Variants in ATP8A2 observed in about 807,000 individuals in gnomAD.
The protein encoded by ATP8A2 is phospholipid-transporting ATPase IB.
A neutral mutation model predicts 165.6 loss-of-function variants in ATP8A2; 100 were observed. The ratio of observed to expected loss-of-function variants is 0.60; its 90% CI spans 0.51 to 0.71. The LOEUF is 0.71. Ranked by LOEUF, ATP8A2 falls within the 30% of genes least tolerant of loss-of-function variation. The pLI, the probability that ATP8A2 is intolerant of heterozygous loss-of-function variation, is 0.00. For synonymous variants in ATP8A2, 543 were observed against 548.8 expected (o/e 0.99, Z 0.15); for missense variants, 1,227 against 1,479.5 (o/e 0.83, Z 2.80).
rs189887101 is a variant in ATP8A2, at chr13:25,474,309, C to G, written c.221+5188C>G. Among the ~76,000 whole-genome samples, 502 of 152,250 alleles carry G rather than the reference C, an allele frequency of 3.3e-3. 7 individuals are homozygous for G. Among genetic ancestry groups the G allele is most frequent in the African/African-American group, 0.012 (483 of 41,558 alleles). On this transcript the variant is annotated intron_variant, in intron 2 of 36. Transcript: ENST00000381655. ...AGGCGCAGTGGCTCGCGCCTATAAT[C>G]CCAGCACTTTGGGAGGCCGAGGTAG...
At chr13:25,980,270 T>C (rs1466046163) in intron 35 of ATP8A2, among the ~76,000 whole-genome samples, 2 of 151,958 alleles carry the variant, frequency 1.3e-5, no homozygotes, top group East Asian at 1.9e-4. Context: ...CACTGAAAGG[T>C]AGGGAGGATC....
chr13:25,554,714 C>T (rs986075005), intron 12 of ATP8A2, among the ~76,000 whole-genome samples: 2 of 151,946 alleles, frequency 1.3e-5, no homozygotes, highest in Non-Finnish European at 2.9e-5. Context: ...CATGCACCAC[C>T]ATGCCTGGCT....
intron 1 of ATP8A2, among the ~76,000 whole-genome samples, chr13:25,418,995 G>A (rs1050333064): frequency 6.6e-6 from 1 of 152,158 alleles, no homozygotes; most frequent in Non-Finnish European, 1.5e-5. Flanking sequence ...GGGAAAAAAG[G>A]AAGAGAAGGG....
At chr13:25,762,631 G>A (rs2044406268) in intron 25 of ATP8A2, among the ~76,000 whole-genome samples, 1 of 152,136 alleles carries the variant, frequency 6.6e-6, no homozygotes, top group African/African-American at 2.4e-5. Context: ...TATGGGTGGA[G>A]ATGTAGCTAG....
intron 33 of ATP8A2, among the ~76,000 whole-genome samples, chr13:25,869,978 C>T (rs1010990362): frequency 2.6e-5 from 4 of 152,214 alleles, no homozygotes; most frequent in Admixed American, 1.3e-4. Context: ...CTTGGTTTAC[C>T]GGAAGAATCA....
chr13:25,624,204 G>A (rs2041046793), intron 24 of ATP8A2, among the ~76,000 whole-genome samples: 1 of 152,142 alleles, frequency 6.6e-6, no homozygotes, highest in Admixed American at 6.6e-5. Flanking sequence ...TCAGGACAAG[G>A]ACTGTGGGCA....
intron 6 of ATP8A2, among the ~76,000 whole-genome samples, chr13:25,535,198 G>A (rs1386666559): frequency 6.6e-6 from 1 of 152,148 alleles, no homozygotes; most frequent in Admixed American, 6.5e-5. Flanking sequence ...ATACAGGAGA[G>A]GGCAGAGGTG....
intron 33 of ATP8A2, among the ~76,000 whole-genome samples, chr13:25,879,759 G>A (rs1205853671): frequency 6.6e-6 from 1 of 152,158 alleles, no homozygotes; most frequent in Non-Finnish European, 1.5e-5. Flanking sequence ...CAGTCCTGGC[G>A]ATACCCACAT....
intron 2 of ATP8A2, among the ~76,000 whole-genome samples, chr13:25,517,838 G>GT (rs2037530325): frequency 1.3e-5 from 2 of 152,238 alleles, no homozygotes; most frequent in Admixed American, 1.3e-4. Flanking sequence ...GATTTCAGTA[G>GT]TTTAGCATTA....
chr13:25,585,707 C>G (rs1023000910), intron 23 of ATP8A2, among the ~76,000 whole-genome samples: 3 of 152,148 alleles, frequency 2.0e-5, no homozygotes, highest in Non-Finnish European at 4.4e-5. Context: ...ACTTGCCCCT[C>G]CTGTAATTGC....
At chr13:25,547,737 G>A (rs1055044582) in intron 10 of ATP8A2, among the ~76,000 whole-genome samples, 3 of 152,176 alleles carry the variant, frequency 2.0e-5, no homozygotes, top group Non-Finnish European at 4.4e-5. Context: ...GTTGGGGACA[G>A]CTTTTCTAAC....
At chr13:26,015,360 C>G (rs560497247) in intron 36 of ATP8A2, among the ~76,000 whole-genome samples, 1 of 152,218 alleles carries the variant, frequency 6.6e-6, no homozygotes, top group South Asian at 2.1e-4. Flanking sequence ...GTCCAGGAAA[C>G]TAGCAGGAAA....
intron 35 of ATP8A2, among the ~76,000 whole-genome samples, chr13:25,974,332 G>A (rs1955976637): frequency 6.6e-6 from 1 of 152,224 alleles, no homozygotes. Context: ...GTAAGCCTGG[G>A]GAAGATGTGA....
intron 22 of ATP8A2, among the ~76,000 whole-genome samples, chr13:25,580,191 A>C (rs1247307254): frequency 6.6e-6 from 1 of 152,242 alleles, no homozygotes; most frequent in African/African-American, 2.4e-5. Flanking sequence ...GGTCAAAAAC[A>C]GCATCAGCGA....
chr13:25,909,444 A>G (rs753299911), intron 33 of ATP8A2, among the ~76,000 whole-genome samples: 3 of 152,190 alleles, frequency 2.0e-5, no homozygotes, highest in Non-Finnish European at 4.4e-5. Flanking sequence ...AAGCTGATAT[A>G]TTTTAGCTGA....
intron 2 of ATP8A2, among the ~76,000 whole-genome samples, chr13:25,501,607 G>A (rs2137701340): frequency 6.6e-6 from 1 of 152,330 alleles, no homozygotes; most frequent in East Asian, 1.9e-4. Flanking sequence ...AGCCCCAGGG[G>A]CCAGAGCGTT....
intron 29 of ATP8A2, 152 bp from the exon 30 acceptor site, chr13:25,839,394 G>GTTTT: frequency 2.0e-6 from 1 of 502,440 alleles, no homozygotes; most frequent in Non-Finnish European, 3.6e-6. Context: ...ATTTGGGTGG[G>GTTTT]TTTTTTTTTT....
intron 1 of ATP8A2, among the ~76,000 whole-genome samples, chr13:25,399,159 T>C (rs1269030413): frequency 6.6e-6 from 1 of 152,112 alleles, no homozygotes; most frequent in Non-Finnish European, 1.5e-5. Flanking sequence ...GTGTGGGGAC[T>C]GCTGGGTATG....
At chr13:25,640,408 A>G in intron 24 of ATP8A2, among the ~76,000 whole-genome samples, 1 of 152,222 alleles carries the variant, frequency 6.6e-6, no homozygotes, top group Admixed American at 6.5e-5. Flanking sequence ...ACAATAAAAA[A>G]TGATAAAGGG....
Sources: allele counts gnomAD v4.1 joint callset (sites outside exome capture counted in the v4.1 genomes callset), GRCh38; gene constraint gnomAD v4.1.1; transcripts MANE v1.5; gene names NCBI Gene and HGNC (gene_info 2026-07-23, HGNC 2026-07-21).